Variants in LINGO2 observed in about 807,000 individuals in gnomAD.
LINGO2 encodes the protein leucine rich repeat and Ig domain containing 2.
In LINGO2, 14 loss-of-function variants were observed where a neutral mutation model predicts 30.6. The observed-to-expected ratio is 0.46, with a 90% CI of 0.30 to 0.72. LINGO2 has a LOEUF of 0.72. Among genes scored for constraint, LINGO2 ranks in the 30% least tolerant of loss-of-function variants. The pLI, the probability that LINGO2 is intolerant of heterozygous loss-of-function variation, is 0.07. For synonymous variants in LINGO2, 317 were observed against 288.5 expected (o/e 1.10, Z -1.00); for missense variants, 729 against 751.7 (o/e 0.97, Z 0.35).
chr9:28,287,223 C>T (rs533717882), intron 4 of LINGO2, among the ~76,000 whole-genome samples: 1 of 152,274 alleles, frequency 6.6e-6, no homozygotes, highest in East Asian at 1.9e-4. Flanking sequence ...ACAAAAAATA[C>T]TGACTCTGAT....
the LINGO2 span, among the ~76,000 whole-genome samples, chr9:29,058,518 AG>A: frequency 6.6e-6 from 1 of 152,022 alleles, no homozygotes; most frequent in South Asian, 2.1e-4. Context: ...GTATACAAGA[AG>A]GGGTGAGGTG....
chr9:28,207,034 G>A (rs758727348), intron 4 of LINGO2, among the ~76,000 whole-genome samples: 5 of 152,072 alleles, frequency 3.3e-5, no homozygotes, highest in Non-Finnish European at 7.4e-5. Flanking sequence ...ACTGTTAGAG[G>A]TATGAAACAG....
chr9:28,491,804 C>G (rs947680028), intron 1 of LINGO2, among the ~76,000 whole-genome samples: 1 of 152,072 alleles, frequency 6.6e-6, no homozygotes, highest in Non-Finnish European at 1.5e-5. Context: ...AAATTGAAAG[C>G]TGAAATGGGA....
rs556117056 is a variant in LINGO2 at position 28,023,128 on chromosome 9, C to A, written c.-86-10723G>T. ...TAATCAGCTATTTTAAATTCCTTATCTGATAATTTGAAAATCTGTGTCACA... is the reference window on the plus strand; with the variant it reads ...TAATCAGCTATTTTAAATTCCTTATATGATAATTTGAAAATCTGTGTCACA... On this transcript the variant is annotated intron_variant, in intron 4 of 5. Transcript: ENST00000379992. Among the ~76,000 whole-genome samples the A allele has an allele frequency of 2.0e-4, 31 of 152,120 alleles. No individual in the cohort carries two copies. The South Asian group carries it at 3.5e-3, about 17-fold the overall frequency.
intron 4 of LINGO2, among the ~76,000 whole-genome samples, chr9:28,227,713 T>G (rs1187961228): frequency 6.6e-6 from 1 of 152,092 alleles, no homozygotes; most frequent in Non-Finnish European, 1.5e-5. Flanking sequence ...GTAATGAAGT[T>G]GCAAACAGAT....
the LINGO2 span, among the ~76,000 whole-genome samples, chr9:28,869,151 A>T: frequency 6.6e-6 from 1 of 152,124 alleles, no homozygotes; most frequent in Admixed American, 6.6e-5. Flanking sequence ...TTCATCAAAG[A>T]TGTTTTGAGC....
the LINGO2 span, among the ~76,000 whole-genome samples, chr9:29,123,410 A>T: frequency 1.3e-5 from 2 of 152,128 alleles, no homozygotes; most frequent in Admixed American, 1.3e-4. Flanking sequence ...AAAATTAGAG[A>T]AGCTAGGAAT....
At chr9:28,047,450 C>G (rs533452979) in intron 4 of LINGO2, among the ~76,000 whole-genome samples, 28 of 142,372 alleles carry the variant, frequency 2.0e-4, no homozygotes, top group South Asian at 7.0e-4. Flanking sequence ...AACTATAGCA[C>G]AGTAACTTTT....
the LINGO2 span, among the ~76,000 whole-genome samples, chr9:28,941,477 A>C: frequency 6.6e-6 from 1 of 152,128 alleles, no homozygotes; most frequent in African/African-American, 2.4e-5. Flanking sequence ...AAATTATATA[A>C]TATTGTGTGA....
intron 3 of LINGO2, among the ~76,000 whole-genome samples, chr9:28,308,545 CA>C (rs1824468337): frequency 6.8e-6 from 1 of 146,408 alleles, no homozygotes; most frequent in Non-Finnish European, 1.5e-5. Flanking sequence ...TCTAAAACAC[CA>C]AAAGCAATGG....
chr9:28,553,428 T>C lies in LINGO2; in HGVS notation c.-364-77403A>G, dbSNP rs190065254. 2.4e-3 allele frequency among the ~76,000 whole-genome samples: 366 copies of C among 151,684 alleles called. 4 individuals carry two copies. In the East Asian group the frequency reaches 0.031, roughly 13 times the overall value. ...GGAAGATGAAATGAATGAAATGAAG[T>C]GAGAAGGGAAGTTTAGAGAAAAAAG... On this transcript the variant is annotated intron_variant, in intron 1 of 5. Transcript: ENST00000379992.
At chr9:28,577,772 T>C (rs1318793895) in intron 1 of LINGO2, among the ~76,000 whole-genome samples, 1 of 152,152 alleles carries the variant, frequency 6.6e-6, no homozygotes, top group African/African-American at 2.4e-5. Context: ...AGTGAAACTG[T>C]ATAAATAAAT....
chr9:28,740,316 A>G, the LINGO2 span, among the ~76,000 whole-genome samples: 6 of 151,586 alleles, frequency 4.0e-5, no homozygotes, highest in African/African-American at 1.2e-4. Flanking sequence ...TTTTCTGTCT[A>G]GTGTTTCTAT....
chr9:28,579,022 T>C (rs936725353), intron 1 of LINGO2, among the ~76,000 whole-genome samples: 2 of 150,838 alleles, frequency 1.3e-5, no homozygotes, highest in African/African-American at 2.4e-5. Flanking sequence ...TTTTGTAAGA[T>C]GTAATTATTT....
At chr9:28,897,440 T>C in the LINGO2 span, among the ~76,000 whole-genome samples, 1 of 152,146 alleles carries the variant, frequency 6.6e-6, no homozygotes, top group African/African-American at 2.4e-5. Context: ...TGCAAACAGG[T>C]AGAGGCGATA....
Position 28,046,306 on chromosome 9 carries a change from A to C in LINGO2, c.-86-33901T>G, listed in dbSNP as rs963431803. ...ACCATTAAGAATTTATCTAGGTTAG[A>C]AGTTCTCCAGTCTTAGCCTGTATCA... On this transcript the variant is annotated intron_variant, in intron 4 of 5. Transcript: ENST00000379992. 4.6e-5 allele frequency among the ~76,000 whole-genome samples: 7 copies of C among 152,280 alleles called. 1 individual carries two copies. In the South Asian group the frequency reaches 8.3e-4, roughly 18 times the overall value.
At chr9:28,145,979 T>A (rs1240089800) in intron 4 of LINGO2, among the ~76,000 whole-genome samples, 3 of 152,194 alleles carry the variant, frequency 2.0e-5, no homozygotes, top group Admixed American at 6.5e-5. Flanking sequence ...GATCTCCATG[T>A]CTTTGGTGAG....
At chr9:28,517,933 G>A (rs775589290) in intron 1 of LINGO2, among the ~76,000 whole-genome samples, 10 of 152,136 alleles carry the variant, frequency 6.6e-5, no homozygotes, top group Non-Finnish European at 1.2e-4. Flanking sequence ...TTAAATTGAA[G>A]AACTTTTAAA....
the LINGO2 span, among the ~76,000 whole-genome samples, chr9:29,006,707 G>T: frequency 7.9e-5 from 12 of 151,952 alleles, no homozygotes; most frequent in African/African-American, 2.2e-4. Flanking sequence ...TTCCTTAACT[G>T]TCTACTTATT....
Sources: allele counts gnomAD v4.1 joint callset (sites outside exome capture counted in the v4.1 genomes callset), GRCh38; gene constraint gnomAD v4.1.1; transcripts MANE v1.5; gene names NCBI Gene and HGNC (gene_info 2026-07-23, HGNC 2026-07-21).